JMJD1C: variants seen among roughly 807,000 people sequenced by gnomAD.
The protein encoded by JMJD1C is jumonji domain containing 1C.
JMJD1C carries 31 observed loss-of-function variants against 245.3 expected under a neutral mutation model. The observed-to-expected ratio is 0.13, with a 90% CI of 0.09 to 0.17. The LOEUF is 0.17. Ranked by LOEUF, JMJD1C falls within the 10% of genes least tolerant of loss-of-function variation. The pLI, the probability that JMJD1C is intolerant of heterozygous loss-of-function variation, is 1.00. For synonymous variants in JMJD1C, 1,057 were observed against 1,017.4 expected (o/e 1.04, Z -0.74); for missense variants, 2,691 against 3,000.2 (o/e 0.90, Z 2.41).
chr10:63,318,072 A>C (rs528316683), intron 2 of JMJD1C, among the ~76,000 whole-genome samples: 4 of 152,258 alleles, frequency 2.6e-5, no homozygotes, highest in Admixed American at 2.0e-4. Context: ...CAGCGGTGCC[A>C]TCTCGACTCA....
At position 63,337,613 on chromosome 10, in the gene JMJD1C, G is replaced by GAA. The variant is rs761619002; in HGVS notation, c.333+42703_333+42704dup. Among the ~76,000 whole-genome samples the GAA allele has an allele frequency of 6.6e-5, 3 of 45,526 alleles. 1 individual carries two copies. The highest frequency in any genetic ancestry group is 1.3e-4 in the Non-Finnish European group (3 of 22,624). 29.9% of individuals were successfully genotyped at this position (45,526 alleles called of 152,430 possible). A position where few individuals can be genotyped will look rare whatever the true frequency, so the allele number is the denominator to read the frequency against. ...GAAAAGAAAAGAAAAGAAAAGAAAA[G>GAA]AAAAGAAAAGAAAAAGAAAAGAAAA... On this transcript the variant is annotated intron_variant, in intron 2 of 25. Transcript: ENST00000399262.
intron 1 of JMJD1C, among the ~76,000 whole-genome samples, chr10:63,519,546 T>A (rs1053401256): frequency 1.3e-5 from 2 of 152,206 alleles, no homozygotes; most frequent in African/African-American, 4.8e-5. Context: ...TACCATTCAG[T>A]ACATTAGACA....
chr10:63,186,470 G>C (rs1317572211), intron 18 of JMJD1C, 87 bp from the exon 19 acceptor site: 1 of 1,122,880 alleles, frequency 8.9e-7, no homozygotes, highest in Non-Finnish European at 1.2e-6. Context: ...ACAGAGTCTT[G>C]CTCTCTTACC....
At chr10:63,393,351 G>A (rs1393486501) in intron 1 of JMJD1C, among the ~76,000 whole-genome samples, 2 of 152,138 alleles carry the variant, frequency 1.3e-5, no homozygotes, top group African/African-American at 4.8e-5. Context: ...GATCTTACTC[G>A]AGTGAGAAAG....
chr10:63,194,219 CCTT>C, intron 14 of JMJD1C, 64 bp downstream of exon 14: 1 of 940,094 alleles, frequency 1.1e-6, no homozygotes, highest in South Asian at 1.3e-5. Context: ...TCTAGATACT[CCTT>C]TAAGTGTTTC....
rs149534532 is a variant in JMJD1C at position 63,435,703 on chromosome 10, G to T, written c.168+29792C>A. On this transcript the variant is annotated intron_variant, in intron 1 of 25. Transcript: ENST00000399262. ...CTGGCTGAGGTCAGGAGTTCGACAC[G>T]AATCTGGCCAACATGGTAAAACACC... Among the ~76,000 whole-genome samples the T allele has an allele frequency of 2.4e-3, 363 of 152,150 alleles. 3 individuals carry two copies. The South Asian group carries it at 0.029, about 12-fold the overall frequency.
At chr10:63,307,425 AG>A (rs1938416679) in intron 2 of JMJD1C, among the ~76,000 whole-genome samples, 1 of 152,224 alleles carries the variant, frequency 6.6e-6, no homozygotes. Flanking sequence ...ATGTAATTTC[AG>A]TACCTTGTGA....
intron 24 of JMJD1C, among the ~76,000 whole-genome samples, chr10:63,174,812 C>T (rs1189414133): frequency 6.7e-6 from 1 of 150,082 alleles, no homozygotes; most frequent in Non-Finnish European, 1.5e-5. Context: ...CTAGCCTGGG[C>T]AACAAGAGCA....
intron 1 of JMJD1C, among the ~76,000 whole-genome samples, chr10:63,397,089 A>T (rs1948549547): frequency 6.6e-6 from 1 of 152,158 alleles, no homozygotes; most frequent in Non-Finnish European, 1.5e-5. Context: ...AATTTTTCCT[A>T]TCAAACCCTA....
At chr10:63,226,875 T>C (rs1391473246) in intron 3 of JMJD1C, among the ~76,000 whole-genome samples, 1 of 151,930 alleles carries the variant, frequency 6.6e-6, no homozygotes, top group Non-Finnish European at 1.5e-5. Flanking sequence ...CTGACCAACA[T>C]GGTGAAACCA....
intron 1 of JMJD1C, among the ~76,000 whole-genome samples, chr10:63,381,168 A>G (rs773542392): frequency 4.6e-5 from 7 of 152,234 alleles, no homozygotes; most frequent in Admixed American, 1.3e-4. Context: ...AGCCAGGTAC[A>G]AAAGACAGAT....
At chr10:63,457,782 A>G (rs1005199360) in intron 1 of JMJD1C, among the ~76,000 whole-genome samples, 7 of 152,196 alleles carry the variant, frequency 4.6e-5, no homozygotes, top group Admixed American at 3.9e-4. Context: ...GAGATAACAG[A>G]TTTGAAATCA....
intron 2 of JMJD1C, among the ~76,000 whole-genome samples, chr10:63,371,943 T>C (rs907868734): frequency 3.3e-5 from 5 of 152,210 alleles, no homozygotes; most frequent in African/African-American, 9.7e-5. Flanking sequence ...AATTCAATTA[T>C]AAATATGTAA....
chr10:63,502,652 A>C (rs1011196536), intron 1 of JMJD1C, among the ~76,000 whole-genome samples: 2 of 151,562 alleles, frequency 1.3e-5, no homozygotes, highest in Non-Finnish European at 2.9e-5. Flanking sequence ...AAAAAAAAAA[A>C]AAAAAAACCT....
intron 2 of JMJD1C, among the ~76,000 whole-genome samples, chr10:63,288,887 TACAATAATA>T (rs1858298047): frequency 1.1e-5 from 1 of 93,540 alleles, no homozygotes; most frequent in African/African-American, 4.5e-5. Context: ...ATAATAATAA[TACAATAATA>T]ATAATAATAA....
At chr10:63,307,178 T>C (rs758424099) in intron 2 of JMJD1C, among the ~76,000 whole-genome samples, 5 of 151,904 alleles carry the variant, frequency 3.3e-5, no homozygotes, top group Admixed American at 2.0e-4. Context: ...AACTGTCTCT[T>C]TAAAAAAAAA....
intron 2 of JMJD1C, among the ~76,000 whole-genome samples, chr10:63,280,065 C>A (rs140948461): frequency 1.8e-3 from 267 of 151,712 alleles, no homozygotes; most frequent in Non-Finnish European, 3.1e-3. Flanking sequence ...ACAGGAGAAT[C>A]ACTTGAACCC....
At chr10:63,311,889 ATAGT>A (rs1384179360) in intron 2 of JMJD1C, among the ~76,000 whole-genome samples, 2 of 152,158 alleles carry the variant, frequency 1.3e-5, no homozygotes, top group Non-Finnish European at 1.5e-5. Context: ...TGCACGGTAC[ATAGT>A]TAGGAATGTA....
chr10:63,320,562 C>A (rs2134105391), intron 2 of JMJD1C, among the ~76,000 whole-genome samples: 1 of 152,308 alleles, frequency 6.6e-6, no homozygotes, highest in East Asian at 1.9e-4. Context: ...AATCTCTCAT[C>A]TTTTCTCAAA....
Sources: gnomAD v4.1 joint callset for allele counts (sites outside exome capture counted in the v4.1 genomes callset) on GRCh38, gnomAD v4.1.1 for gene constraint, MANE v1.5 for transcripts, NCBI Gene and HGNC (gene_info 2026-07-23, HGNC 2026-07-21) for gene names.